Variants in CD109 observed in about 807,000 individuals in gnomAD.
CD109 encodes the protein CD109 antigen.
CD109 carries 149 observed loss-of-function variants against 165.8 expected under a neutral mutation model. The observed-to-expected ratio is 0.90, with a 90% CI of 0.79 to 1.03. CD109 has a LOEUF of 1.03. Among genes scored for constraint, CD109 ranks in the 50% least tolerant of loss-of-function variants. CD109 has a pLI of 0.00. For synonymous variants in CD109, 585 were observed against 592.1 expected, an observed-to-expected ratio of 0.99 and a Z score of 0.18; for missense variants, 1,712 against 1,677.8, an observed-to-expected ratio of 1.02 and a Z score of -0.36.
At chr6:73,763,823 A>G (rs1364725066) in intron 10 of CD109, 138 bp downstream of exon 10, 2 of 414,386 alleles carry the variant, frequency 4.8e-6, no homozygotes. Context: ...CATGTGGGGC[A>G]TGTAGATTTG....
At chr6:73,708,835 T>C (rs1158984537) in intron 2 of CD109, among the ~76,000 whole-genome samples, 1 of 152,222 alleles carries the variant, frequency 6.6e-6, no homozygotes, top group African/African-American at 2.4e-5. Context: ...TGCCCACTTG[T>C]TGATGGGGTT....
intron 2 of CD109, among the ~76,000 whole-genome samples, chr6:73,711,008 C>A (rs1771518200): frequency 6.6e-6 from 1 of 152,092 alleles, no homozygotes. Flanking sequence ...TTGATATTCC[C>A]CCCAGCTATT....
At chr6:73,823,378 C>T (rs544741751) in intron 32 of CD109, 80 bp from the exon 33 acceptor site, 20 of 1,053,932 alleles carry the variant, frequency 1.9e-5, no homozygotes, top group South Asian at 8.4e-5. Context: ...AAAAGTGTAT[C>T]GAAATGCTCT....
At chr6:73,756,704 T>C in intron 6 of CD109, 22 bp downstream of exon 6, 1 of 1,479,020 alleles carries the variant, frequency 6.8e-7, no homozygotes. Context: ...TCAATCTATT[T>C]TGGAAGAAAA....
At chr6:73,797,832 A>C (rs1394113565) in intron 23 of CD109, among the ~76,000 whole-genome samples, 1 of 152,148 alleles carries the variant, frequency 6.6e-6, no homozygotes, top group African/African-American at 2.4e-5. Context: ...TGAAGGGCTC[A>C]TGGGTTTTTA....
chr6:73,716,021 C>T (rs1305366494), intron 2 of CD109, among the ~76,000 whole-genome samples: 2 of 152,202 alleles, frequency 1.3e-5, no homozygotes. Context: ...TAAGTGAGAA[C>T]ATGCAAAGTT....
chr6:73,810,469 C>T (rs1182448655), intron 27 of CD109, among the ~76,000 whole-genome samples: 1 of 151,726 alleles, frequency 6.6e-6, no homozygotes, highest in African/African-American at 2.4e-5. Context: ...CCCCATCTGC[C>T]ACTTTTCATC....
upstream of CD109, chr6:73,695,191 C>G (rs1427421953): frequency 2.0e-5 from 3 of 152,250 alleles, no homozygotes; most frequent in Admixed American, 2.0e-4. Flanking sequence ...TTGTCAGGGA[C>G]TGAATGTGTC....
At chr6:73,818,731 A>G (rs1411246115) in intron 31 of CD109, among the ~76,000 whole-genome samples, 196 bp downstream of exon 31, 2 of 152,242 alleles carry the variant, frequency 1.3e-5, no homozygotes, top group Admixed American at 6.5e-5. Context: ...GAGAGTTGCT[A>G]TTAATGACGA....
At chr6:73,720,963 C>T (rs1478713918) in intron 2 of CD109, among the ~76,000 whole-genome samples, 1 of 152,198 alleles carries the variant, frequency 6.6e-6, no homozygotes, top group African/African-American at 2.4e-5. Context: ...CATTGTACCC[C>T]TCCTTGCTCA....
rs577086837 is a variant in CD109 at position 73,737,982 on chromosome 6, A to G, written c.633+1474A>G. On this transcript the variant is annotated intron_variant, in intron 5 of 32. Transcript: ENST00000287097. Reference sequence around the variant, plus strand: ...TATCCACCCACCCACCCACCAACCCAGTATGTGTTAAGGACTTTATGGCTG... The same window carrying G: ...TATCCACCCACCCACCCACCAACCCGGTATGTGTTAAGGACTTTATGGCTG... 4.7e-4 allele frequency among the ~76,000 whole-genome samples: 72 copies of G among 152,022 alleles called. No individual in the cohort carries two copies. The East Asian group carries it at 0.012, about 26-fold the overall frequency.
intron 11 of CD109, among the ~76,000 whole-genome samples, 157 bp downstream of exon 11, chr6:73,766,311 A>T (rs1351072106): frequency 6.6e-6 from 1 of 152,088 alleles, no homozygotes; most frequent in Admixed American, 6.6e-5. Context: ...TAATTTAATG[A>T]CAGTGGCTGA....
intron 3 of CD109, among the ~76,000 whole-genome samples, chr6:73,724,267 A>G (rs531606309): frequency 7.2e-5 from 11 of 152,356 alleles, no homozygotes; most frequent in Admixed American, 5.9e-4. Flanking sequence ...TTTATCTCAC[A>G]GCATGTCCTG....
chr6:73,765,798 A>G lies in CD109; in HGVS notation c.1108-132A>G, dbSNP rs111449261. 250 of 651,526 alleles carry G rather than the reference A, an allele frequency of 3.8e-4. 1 individual carries two copies. In the African/African-American group the frequency reaches 3.9e-3, roughly 10 times the overall value. The allele number at this position is 651,526 out of a possible 1,614,324, so 40.4% of individuals were successfully genotyped here. On this transcript the variant is annotated intron_variant, in intron 10 of 32. Transcript: ENST00000287097. The stretch of plus-strand genomic sequence containing the variant: ...GTTGGATGCCTCCTAGAGAGAGGCC[A>G]CTGAATCTGGATATTATAGTGCTAC...
At chr6:73,822,179 T>C (rs992963520) in intron 32 of CD109, among the ~76,000 whole-genome samples, 4 of 152,238 alleles carry the variant, frequency 2.6e-5, no homozygotes, top group African/African-American at 7.2e-5. Flanking sequence ...GATGAATCCA[T>C]GTTCAGTCAG....
chr6:73,685,013 T>C, the CD109 span, among the ~76,000 whole-genome samples: 30,836 of 150,226 alleles, frequency 0.21, 3,517 homozygotes, highest in Non-Finnish European at 0.26. Context: ...ACCTCCCAGG[T>C]TCAAGTGATT....
Position 73,758,993 on chromosome 6 carries a change from G to A in CD109, c.723G>A (p.Met241Ile), listed in dbSNP as rs1562050233. ...VTLQTPLYCS[M>I]NSKHLNGTIT... The stretch of plus-strand genomic sequence containing the variant: ...TGCAGACACCATTATATTGTTCTAT[G>A]AATTCTAAGCATTTAAATGGTACCA... The change falls in exon 7 of 33, where the codon ATG (methionine) becomes ATA (isoleucine). Residue 241 changes from methionine (M) to isoleucine (I), a missense_variant. Met to Ile is a conservative substitution (Grantham distance 10). Transcript: ENST00000287097. 6.2e-7 allele frequency: 1 copy of A among 1,607,994 alleles called. No homozygotes were observed. The highest frequency in any genetic ancestry group is 2.2e-5 in the East Asian group (1 of 44,760).
chr6:73,754,875 T>C (rs1318781612), intron 5 of CD109, among the ~76,000 whole-genome samples: 1 of 152,196 alleles, frequency 6.6e-6, no homozygotes, highest in Non-Finnish European at 1.5e-5. Flanking sequence ...CAGTCTTGAA[T>C]TATTGTTCTT....
the CD109 span, among the ~76,000 whole-genome samples, chr6:73,687,405 CTTCT>C: frequency 1.3e-4 from 20 of 151,236 alleles, no homozygotes; most frequent in Non-Finnish European, 2.5e-4. Flanking sequence ...TCCTTCCTTC[CTTCT>C]TTCACATGCA....
Sources: gnomAD v4.1 joint callset for allele counts (sites outside exome capture counted in the v4.1 genomes callset) on GRCh38, gnomAD v4.1.1 for gene constraint, MANE v1.5 for transcripts, NCBI Gene and HGNC (gene_info 2026-07-23, HGNC 2026-07-21) for gene names.